The following PCDH15 variants were observed in gnomAD, a reference collection of about 807,000 sequenced individuals.
The protein encoded by PCDH15 is protocadherin related 15, also known as protocadherin-15.
In PCDH15, 129 loss-of-function variants were observed where a neutral mutation model predicts 178.5. The observed-to-expected ratio is 0.72, with a 90% CI of 0.63 to 0.84. PCDH15 has a LOEUF of 0.84. Ranked by LOEUF, PCDH15 falls within the 40% of genes least tolerant of loss-of-function variation. The pLI, the probability that PCDH15 is intolerant of heterozygous loss-of-function variation, is 0.00. For missense variants in PCDH15, 2,230 were observed against 2,099.9 expected (o/e 1.06, Z -1.21); for synonymous variants, 800 against 732.0 (o/e 1.09, Z -1.50).
intron 25 of PCDH15, among the ~76,000 whole-genome samples, chr10:53,915,389 T>C (rs2083447954): frequency 6.6e-6 from 1 of 152,368 alleles, no homozygotes; most frequent in African/African-American, 2.4e-5. Flanking sequence ...ATTGATCTTT[T>C]GTGGTTCATT....
chr10:54,945,368 G>T (rs867509783), intron 2 of PCDH15, among the ~76,000 whole-genome samples: 1 of 143,904 alleles, frequency 6.9e-6, no homozygotes, highest in African/African-American at 2.9e-5. Flanking sequence ...TAGATATATA[G>T]ATAGATAGAT....
chr10:54,928,974 A>G (rs948664086), intron 2 of PCDH15, among the ~76,000 whole-genome samples: 1 of 152,162 alleles, frequency 6.6e-6, no homozygotes, highest in African/African-American at 2.4e-5. Context: ...TGGAAAGGTG[A>G]TGTGGTTGTC....
chr10:54,334,318 G>A lies in PCDH15; in HGVS notation c.595-4612C>T, dbSNP rs117115319. On this transcript the variant is annotated intron_variant, in intron 6 of 37. Transcript: ENST00000644397. ...GGTAGGAGACAGCTGTAACATCCAC[G>A]CCACACACATTCACATTCAATAATG... 9.8e-3 allele frequency among the ~76,000 whole-genome samples: 1,491 copies of A among 152,160 alleles called. 13 individuals are homozygous for A. The highest frequency in any genetic ancestry group is 0.02 in the Middle Eastern group (6 of 294).
At chr10:53,906,093 T>A (rs888068509) in intron 25 of PCDH15, among the ~76,000 whole-genome samples, 1 of 152,138 alleles carries the variant, frequency 6.6e-6, no homozygotes, top group Non-Finnish European at 1.5e-5. Flanking sequence ...TTGAAATTTA[T>A]GATGTTAGCT....
At chr10:54,014,615 A>G (rs1479147736) in intron 20 of PCDH15, among the ~76,000 whole-genome samples, 1 of 152,206 alleles carries the variant, frequency 6.6e-6, no homozygotes, top group Non-Finnish European at 1.5e-5. Context: ...ATATAGGCAA[A>G]TCAACAGAAG....
chr10:55,190,630 A>C, intron 1 of PCDH15, among the ~76,000 whole-genome samples: 1 of 151,908 alleles, frequency 6.6e-6, no homozygotes, highest in Non-Finnish European at 1.5e-5. Context: ...AGTGTTCTCT[A>C]AATTACACAT....
chr10:55,465,284 G>A (rs1447051336), intron 2 of PCDH15, among the ~76,000 whole-genome samples: 1 of 152,114 alleles, frequency 6.6e-6, no homozygotes, highest in East Asian at 1.9e-4. Flanking sequence ...TCTTTAGGTT[G>A]GAACTGGTTT....
chr10:55,539,935 G>A (rs981997391), intron 2 of PCDH15, among the ~76,000 whole-genome samples: 2 of 151,902 alleles, frequency 1.3e-5, no homozygotes, highest in Non-Finnish European at 2.9e-5. Flanking sequence ...ACTGTCATTG[G>A]TCTCATTACT....
chr10:54,487,979 C>T (rs2079246316), intron 3 of PCDH15, among the ~76,000 whole-genome samples: 1 of 151,834 alleles, frequency 6.6e-6, no homozygotes, highest in Non-Finnish European at 1.5e-5. Context: ...AAGCTTTTGA[C>T]AAATTAGACT....
chr10:55,116,990 T>C (rs2132061895), intron 2 of PCDH15, among the ~76,000 whole-genome samples: 1 of 152,328 alleles, frequency 6.6e-6, no homozygotes, highest in Non-Finnish European at 1.5e-5. Flanking sequence ...GGTGACACTT[T>C]TGTTGTCTTC....
chr10:54,515,561 C>G (rs1408128257), intron 3 of PCDH15, among the ~76,000 whole-genome samples: 1 of 152,238 alleles, frequency 6.6e-6, no homozygotes, highest in African/African-American at 2.4e-5. Flanking sequence ...GGGCAGGGCA[C>G]AGACAAACAA....
chr10:55,490,361 T>C (rs1589076530), intron 2 of PCDH15, among the ~76,000 whole-genome samples: 1 of 151,724 alleles, frequency 6.6e-6, no homozygotes, highest in Non-Finnish European at 1.5e-5. Flanking sequence ...CATGAGTCTA[T>C]GGTTGAGTAA....
intron 25 of PCDH15, among the ~76,000 whole-genome samples, chr10:53,923,736 G>A (rs1358740273): frequency 1.3e-5 from 2 of 152,086 alleles, no homozygotes; most frequent in South Asian, 2.1e-4. Context: ...TGGAGTATCT[G>A]CAACATTTGA....
intron 6 of PCDH15, among the ~76,000 whole-genome samples, chr10:54,346,132 A>G (rs919706921): frequency 2.6e-5 from 4 of 152,210 alleles, no homozygotes; most frequent in African/African-American, 9.6e-5. Flanking sequence ...TAAATGAGGC[A>G]TATTATACCT....
At chr10:54,623,839 A>G (rs1355921915) in intron 2 of PCDH15, among the ~76,000 whole-genome samples, 1 of 152,144 alleles carries the variant, frequency 6.6e-6, no homozygotes. Context: ...ACTAATAACT[A>G]TTACTAGGAT....
chr10:54,686,007 A>G (rs1238782660), intron 1 of PCDH15, among the ~76,000 whole-genome samples: 4 of 150,246 alleles, frequency 2.7e-5, no homozygotes, highest in Admixed American at 2.7e-4. Flanking sequence ...TAATTTTTGC[A>G]TGGAAATCCA....
At chr10:54,455,990 G>C (rs1024994619) in intron 3 of PCDH15, among the ~76,000 whole-genome samples, 2 of 152,216 alleles carry the variant, frequency 1.3e-5, no homozygotes, top group East Asian at 1.9e-4. Context: ...GTGAACCTCT[G>C]TCTAGATTTC....
intron 2 of PCDH15, among the ~76,000 whole-genome samples, chr10:55,055,217 A>C (rs143899774): frequency 2.6e-5 from 4 of 152,258 alleles, no homozygotes; most frequent in Admixed American, 1.3e-4. Context: ...TCCAGTCTCA[A>C]TCTTTTGCAT....
At chr10:55,233,145 ACTT>A (rs1342347902) in intron 1 of PCDH15, among the ~76,000 whole-genome samples, 8 of 152,056 alleles carry the variant, frequency 5.3e-5, no homozygotes, top group Admixed American at 4.6e-4. Context: ...TATCTATACT[ACTT>A]CTATATTAAC....
Sources: gnomAD v4.1 joint callset for allele counts (sites outside exome capture counted in the v4.1 genomes callset) on GRCh38, gnomAD v4.1.1 for gene constraint, MANE v1.5 for transcripts, NCBI Gene and HGNC (gene_info 2026-07-23, HGNC 2026-07-21) for gene names.